Variants in GNB5 observed in about 807,000 individuals in gnomAD.
The protein encoded by GNB5 is G protein subunit beta 5, also known as guanine nucleotide-binding protein subunit beta-5.
Under a neutral mutation model 55.3 loss-of-function variants are expected in GNB5, and 37 were observed. The observed-to-expected ratio is 0.67, with a 90% CI of 0.51 to 0.88. The LOEUF (loss-of-function observed/expected upper bound fraction) is 0.88, where lower values mean the gene tolerates loss of function less well. GNB5 is among the 40% of genes least tolerant of loss of function. GNB5 has a pLI of 0.00. For synonymous variants in GNB5, 219 were observed against 198.5 expected, an observed-to-expected ratio of 1.10 and a Z score of -0.87; for missense variants, 476 against 515.3, an observed-to-expected ratio of 0.92 and a Z score of 0.74.
intron 6 of GNB5, among the ~76,000 whole-genome samples, chr15:52,141,792 G>A (rs2033861045): frequency 6.6e-6 from 1 of 152,100 alleles, no homozygotes; most frequent in Non-Finnish European, 1.5e-5. Flanking sequence ...ACATTCTCCT[G>A]TCTATCTACC....
chr15:52,122,351 G>C lies in GNB5; in HGVS notation c.*406C>G, dbSNP rs561957187. 2 of 165,842 alleles carry C rather than the reference G, an allele frequency of 1.2e-5. No homozygotes were observed. The highest frequency in any genetic ancestry group is 6.3e-5 in the Admixed American group (1 of 15,926). The allele number at this position is 165,842 out of a possible 1,614,324, so 10.3% of individuals were successfully genotyped here. A position where few individuals can be genotyped will look rare whatever the true frequency, so the allele number is the denominator to read the frequency against. Reference sequence around the variant, plus strand: ...CAGCACTTCCAGAGGAAGGTTCCAGGCATCACAGTGCACATCGAGAAATAT... The same window carrying C: ...CAGCACTTCCAGAGGAAGGTTCCAGCCATCACAGTGCACATCGAGAAATAT... On this transcript the variant is annotated 3_prime_UTR_variant, in exon 13 of 13. Transcript: ENST00000261837.
intron 4 of GNB5, among the ~76,000 whole-genome samples, chr15:52,150,859 G>A (rs930670217): frequency 1.1e-4 from 17 of 152,208 alleles, no homozygotes; most frequent in Non-Finnish European, 1.9e-4. Context: ...CTCAGGGATC[G>A]GAAATCTACA....
chr15:52,190,991 C>T (rs1354737730), intron 1 of GNB5, among the ~76,000 whole-genome samples: 1 of 152,120 alleles, frequency 6.6e-6, no homozygotes, highest in Admixed American at 6.5e-5. Flanking sequence ...ATAAGCTGTA[C>T]TCAGAGGCTT....
chr15:52,184,772 T>C (rs1031919410), intron 1 of GNB5, 78 bp from the exon 2 acceptor site: 13 of 1,220,516 alleles, frequency 1.1e-5, no homozygotes, highest in Non-Finnish European at 1.5e-5. Context: ...TTCTTGCTTG[T>C]ACCGTGGTAG....
At position 52,135,572 on chromosome 15, in the gene GNB5, G is replaced by A. The variant is rs371944118; in HGVS notation, c.771+41C>T. 398 of 1,586,634 alleles carry A rather than the reference G, an allele frequency of 2.5e-4. 1 individual carries two copies. The highest frequency in any genetic ancestry group is 3.1e-4 in the Non-Finnish European group (364 of 1,156,936). ...AGAACTGCCACCATAAGCCTCCTTA[G>A]TGGACACAGGAGCCCTAGGGAATTT... On this transcript the variant is annotated intron_variant, in intron 8 of 12. Coordinates refer to ENST00000261837, the MANE Select transcript of GNB5 (RefSeq NM_016194.4).
chr15:52,158,474 C>G (rs369742408), intron 3 of GNB5, among the ~76,000 whole-genome samples: 2 of 152,238 alleles, frequency 1.3e-5, no homozygotes, highest in South Asian at 2.1e-4. Context: ...GGTGGGCGAA[C>G]AAAACAATGC....
At chr15:52,155,175 C>A (rs1319348287) in intron 3 of GNB5, among the ~76,000 whole-genome samples, 1 of 152,206 alleles carries the variant, frequency 6.6e-6, no homozygotes, top group Admixed American at 6.5e-5. Context: ...TCCCAGCTGG[C>A]CTTTCTCCAG....
At chr15:52,167,707 C>T (rs2034477792) in intron 3 of GNB5, among the ~76,000 whole-genome samples, 1 of 151,748 alleles carries the variant, frequency 6.6e-6, no homozygotes. Flanking sequence ...AAACTTCAGG[C>T]CAATATCCCT....
intron 3 of GNB5, among the ~76,000 whole-genome samples, chr15:52,167,633 T>G (rs930289354): frequency 6.6e-6 from 1 of 151,234 alleles, no homozygotes; most frequent in Non-Finnish European, 1.5e-5. Flanking sequence ...ATCATGCCAT[T>G]GCACTCCAGA....
intron 3 of GNB5, among the ~76,000 whole-genome samples, chr15:52,171,591 GC>G: frequency 6.6e-6 from 1 of 152,228 alleles, no homozygotes; most frequent in Admixed American, 6.5e-5. Context: ...GCCTCTGATG[GC>G]TGCAGGAGGC....
Position 52,117,112 on chromosome 15 carries a change from A to ATATATATATAT in GNB5, c.*5644_*5645insATATATATATA. The ATATATATATAT allele has an allele frequency of 1.1e-5, 1 of 91,822 alleles. No individual in the cohort carries two copies. Among genetic ancestry groups the ATATATATATAT allele is most frequent in the East Asian group, 3.0e-4 (1 of 3,282 alleles). The allele number at this position is 91,822 out of a possible 1,614,324, so 5.7% of individuals were successfully genotyped here. A position where few individuals can be genotyped will look rare whatever the true frequency, so the allele number is the denominator to read the frequency against. On this transcript the variant is annotated 3_prime_UTR_variant, in exon 13 of 13. Coordinates refer to ENST00000261837, the MANE Select transcript of GNB5 (RefSeq NM_016194.4). Reference sequence around the variant, plus strand: ...CTAATATATATATATATTTTTTTTTAGTACAGACAGGGTTTCACCGTGTTA... The same window carrying ATATATATATAT: ...CTAATATATATATATATTTTTTTTTATATATATATATGTACAGACAGGGTTTCACCGTGTTA...
intron 1 of GNB5, among the ~76,000 whole-genome samples, chr15:52,186,377 T>G (rs550996124): frequency 6.6e-6 from 1 of 152,338 alleles, no homozygotes; most frequent in East Asian, 1.9e-4. Context: ...AGTAAACTCC[T>G]TAAGTCTTGG....
intron 1 of GNB5, among the ~76,000 whole-genome samples, chr15:52,190,899 A>C (rs982777961): frequency 6.6e-6 from 1 of 152,172 alleles, no homozygotes; most frequent in African/African-American, 2.4e-5. Context: ...GAAACTGTGA[A>C]ATGAGCATAG....
chr15:52,189,739 A>G (rs962856496), intron 1 of GNB5, among the ~76,000 whole-genome samples: 3 of 152,244 alleles, frequency 2.0e-5, no homozygotes, highest in African/African-American at 7.2e-5. Context: ...CAGCAATAAA[A>G]AAGAATGACG....
At chr15:52,177,155 C>A (rs2034667980) in intron 3 of GNB5, among the ~76,000 whole-genome samples, 2 of 151,232 alleles carry the variant, frequency 1.3e-5, no homozygotes, top group African/African-American at 2.4e-5. Context: ...CTGCCTCAGC[C>A]TCCCAAGTAG....
chr15:52,129,270 C>T (rs1177370012), intron 9 of GNB5, among the ~76,000 whole-genome samples: 1 of 152,046 alleles, frequency 6.6e-6, no homozygotes, highest in Non-Finnish European at 1.5e-5. Context: ...TCTCCTTTCT[C>T]GTACCAGTGA....
At chr15:52,180,684 T>G (rs1224239836) in intron 2 of GNB5, 1 of 152,150 alleles carries the variant, frequency 6.6e-6, no homozygotes, top group African/African-American at 2.4e-5. Context: ...CCTCCTGCCC[T>G]TTAGAATGAA....
chr15:52,138,705 C>A (rs1362122659), intron 7 of GNB5: 1 of 152,184 alleles, frequency 6.6e-6, no homozygotes. Context: ...ATAACACTTG[C>A]AGTAACTTAC....
At chr15:52,187,963 A>G (rs1282103027) in intron 1 of GNB5, among the ~76,000 whole-genome samples, 1 of 138,238 alleles carries the variant, frequency 7.2e-6, no homozygotes, top group Non-Finnish European at 1.6e-5. Context: ...AAAATTAAAA[A>G]TTAAAAATAA....
Sources: allele counts gnomAD v4.1 joint callset (sites outside exome capture counted in the v4.1 genomes callset), GRCh38; gene constraint gnomAD v4.1.1; transcripts MANE v1.5; gene names NCBI Gene and HGNC (gene_info 2026-07-23, HGNC 2026-07-21).